The following STK10 variants were observed in gnomAD, a reference collection of about 807,000 sequenced individuals.
STK10 encodes the protein serine/threonine kinase 10, also known as serine/threonine-protein kinase 10.
STK10 carries 78 observed loss-of-function variants against 113.8 expected under a neutral mutation model. The ratio of observed to expected loss-of-function variants is 0.69; its 90% CI spans 0.57 to 0.83. The LOEUF is 0.83. Among genes scored for constraint, STK10 ranks in the 40% least tolerant of loss-of-function variants. The probability of loss-of-function intolerance (pLI) is 0.00; values close to 1 mark genes in which losing one functional copy is unlikely to be tolerated. For synonymous variants in STK10, 465 were observed against 494.7 expected (o/e 0.94, Z 0.80); for missense variants, 1,109 against 1,280.1 (o/e 0.87, Z 2.04).
At chr5:172,154,359 C>G (rs1427662261) in intron 2 of STK10, among the ~76,000 whole-genome samples, 2 of 152,106 alleles carry the variant, frequency 1.3e-5, no homozygotes, top group Admixed American at 1.3e-4. Context: ...ATTACTTTAC[C>G]ACCCTCATCT....
At chr5:172,072,412 G>A (rs540187390) in intron 12 of STK10, among the ~76,000 whole-genome samples, 9 of 152,120 alleles carry the variant, frequency 5.9e-5, no homozygotes, top group African/African-American at 2.2e-4. Flanking sequence ...GACTACAGGC[G>A]CACACTGCCA....
intron 17 of STK10, among the ~76,000 whole-genome samples, chr5:172,053,364 G>A (rs1486842897): frequency 6.6e-6 from 1 of 152,162 alleles, no homozygotes; most frequent in Non-Finnish European, 1.5e-5. Flanking sequence ...ACCCCACCCT[G>A]CTGGCACCCT....
At chr5:172,077,113 G>A (rs923612465) in intron 12 of STK10, among the ~76,000 whole-genome samples, 1 of 152,204 alleles carries the variant, frequency 6.6e-6, no homozygotes, top group African/African-American at 2.4e-5. Flanking sequence ...CTGACAGGCA[G>A]GGGCAGGGGA....
rs369407918 is a variant in STK10, at chr5:172,071,212, C to CAAAAAAAAAAA, written c.1990-6411_1990-6401dup. Among the ~76,000 whole-genome samples, 13 of 26,598 alleles carry CAAAAAAAAAAA rather than the reference C, an allele frequency of 4.9e-4. 1 individual carries two copies. The highest frequency in any genetic ancestry group is 9.4e-4 in the Non-Finnish European group (12 of 12,810). 17.4% of individuals were successfully genotyped at this position (26,598 alleles called of 152,430 possible). ...CGACAGAGTGAGACGCTCTCTATCT[C>CAAAAAAAAAAA]AAAAAAAAAAAAAAAAAAAAAAAAA... On this transcript the variant is annotated intron_variant, in intron 12 of 18. Coordinates refer to ENST00000176763, the MANE Select transcript of STK10 (RefSeq NM_005990.4).
At position 172,156,771 on chromosome 5, in the gene STK10, C is replaced by T. The variant is rs778557363; in HGVS notation, c.174G>A (p.Thr58=). 23 of 1,613,848 alleles carry T rather than the reference C, an allele frequency of 1.4e-5. No homozygotes were observed. The highest frequency in any genetic ancestry group is 1.2e-4 in the South Asian group (11 of 91,064). The change falls in exon 2 of 19, where the codon ACG becomes ACA. Residue 58 remains threonine (T), a synonymous_variant. Transcript: ENST00000176763. ...GKVYKAKNKE[T]GALAAAKVIE... ...TGACTTTGGCCGCAGCCAAAGCACC[C>T]GTCTCCTTATTCTTGGCCTGCAAAG...
Position 172,187,754 on chromosome 5 carries a change from G to A in STK10, c.156+133C>T. ...CCCAAAAAACAAGAGTCATCGGGAT[G>A]AGGGCCAGGGACCCCGAATTCAGCG... On this transcript the variant is annotated intron_variant, in intron 1 of 18. Transcript: ENST00000176763. The surrounding 1 kb of genome is among the most constrained non-coding windows in gnomAD (Gnocchi z 4.6). The A allele has an allele frequency of 7.5e-7, 1 of 1,329,124 alleles. No individual in the cohort carries two copies. The highest frequency in any genetic ancestry group is 1.0e-6 in the Non-Finnish European group (1 of 984,502). 82.3% of individuals were successfully genotyped at this position (1,329,124 alleles called of 1,614,324 possible).
Position 172,062,166 on chromosome 5 carries a change from C to T in STK10, c.2083-898G>A, listed in dbSNP as rs564928217. Among the ~76,000 whole-genome samples, 6 of 151,914 alleles carry T rather than the reference C, an allele frequency of 3.9e-5. No homozygotes were observed. In the South Asian group the frequency reaches 6.2e-4, roughly 16 times the overall value. On this transcript the variant is annotated intron_variant, in intron 13 of 18. Transcript: ENST00000176763. ...CTAACTTTTGTATTTTTAGTAGAGA[C>T]GGGGTTTCACCATGTTGGCCAGGCT...
intron 7 of STK10, among the ~76,000 whole-genome samples, chr5:172,097,614 G>C (rs959182141): frequency 6.6e-6 from 1 of 152,124 alleles, no homozygotes; most frequent in African/African-American, 2.4e-5. Context: ...TTCTGTGCAG[G>C]GTCTCACTGT....
At position 172,055,690 on chromosome 5, in the gene STK10, C is replaced by T; in HGVS notation, c.2424G>A (p.Lys808=). ...RQQQEKARLP[K]IQRSEGKTRM... ...GCGTCTTGCCCTCACTCCTCTGGAT[C>T]TTGGGCAGCCGCGCCTTTTCCTGTT... is the stretch of plus-strand genomic sequence containing the variant. The change falls in exon 16 of 19, where the codon AAG becomes AAA. Residue 808 remains lysine (K), a synonymous_variant. Transcript: ENST00000176763. 6.3e-7 allele frequency: 1 copy of T among 1,585,726 alleles called. No homozygotes were observed. The highest frequency in any genetic ancestry group is 8.6e-7 in the Non-Finnish European group (1 of 1,163,636).
chr5:172,070,620 T>C (rs1359661897), intron 12 of STK10, among the ~76,000 whole-genome samples: 1 of 151,892 alleles, frequency 6.6e-6, no homozygotes, highest in African/African-American at 2.4e-5. Flanking sequence ...AACCCAAGAC[T>C]AATATAACAG....
intron 1 of STK10, among the ~76,000 whole-genome samples, chr5:172,186,884 C>A (rs1036349109): frequency 9.9e-5 from 15 of 152,114 alleles, no homozygotes; most frequent in African/African-American, 3.6e-4. Flanking sequence ...GAAGCCTTCT[C>A]TGTGGTCCAG....
At chr5:172,144,366 G>A (rs1003976439) in intron 2 of STK10, among the ~76,000 whole-genome samples, 2 of 152,042 alleles carry the variant, frequency 1.3e-5, no homozygotes, top group African/African-American at 2.4e-5. Context: ...TCAGTGGGGC[G>A]GTGCTGGGAA....
chr5:172,185,752 G>A (rs1770944439), intron 1 of STK10, among the ~76,000 whole-genome samples: 1 of 152,244 alleles, frequency 6.6e-6, no homozygotes, highest in Non-Finnish European at 1.5e-5. Flanking sequence ...TTGCAAGGCT[G>A]AGGATCGTTC....
intron 2 of STK10, among the ~76,000 whole-genome samples, chr5:172,146,148 G>GT (rs1561824883): frequency 6.6e-6 from 1 of 152,222 alleles, no homozygotes. Flanking sequence ...CCTGTAGAAT[G>GT]TAAATTTCCA....
chr5:172,173,519 C>T lies in STK10; in HGVS notation c.156+14368G>A, dbSNP rs1482233441. ...GGGCACAAATGCTCCACTTCTGGTG[C>T]CCTCAACTACAACTCACCCTGGGGC... is the stretch of plus-strand genomic sequence containing the variant. On this transcript the variant is annotated intron_variant, in intron 1 of 18. Transcript: ENST00000176763. 2.6e-5 allele frequency among the ~76,000 whole-genome samples: 4 copies of T among 152,226 alleles called. No homozygotes were observed. The East Asian group carries it at 7.7e-4, about 29-fold the overall frequency.
At chr5:172,081,266 G>T (rs928501570) in intron 12 of STK10, among the ~76,000 whole-genome samples, 2 of 150,336 alleles carry the variant, frequency 1.3e-5, no homozygotes, top group Non-Finnish European at 2.9e-5. Flanking sequence ...CAGAAGAATC[G>T]CTTGAACTCG....
intron 3 of STK10, among the ~76,000 whole-genome samples, chr5:172,126,596 T>A (rs1218537235): frequency 1.3e-5 from 2 of 152,024 alleles, no homozygotes; most frequent in Non-Finnish European, 2.9e-5. Flanking sequence ...CTTCCTGATT[T>A]TATACCTGAG....
chr5:172,083,166 G>C, intron 10 of STK10, 82 bp from the exon 11 acceptor site: 1 of 1,589,242 alleles, frequency 6.3e-7, no homozygotes, highest in South Asian at 1.1e-5. Context: ...GAACACTGAA[G>C]GTTGGATCAT....
chr5:172,046,734 G>A (rs1767503337), intron 18 of STK10, among the ~76,000 whole-genome samples: 2 of 152,166 alleles, frequency 1.3e-5, no homozygotes, highest in South Asian at 4.1e-4. Flanking sequence ...GGTCTCTATT[G>A]TGACTACTCA....
Sources: allele counts gnomAD v4.1 joint callset (sites outside exome capture counted in the v4.1 genomes callset), GRCh38; gene constraint gnomAD v4.1.1; non-coding constraint Gnocchi (gnomAD v3.1); transcripts MANE v1.5; gene names NCBI Gene and HGNC (gene_info 2026-07-23, HGNC 2026-07-21).